CYB561: variants seen among roughly 807,000 people sequenced by gnomAD.
The protein encoded by CYB561 is cytochrome b561, also known as transmembrane ascorbate-dependent reductase CYB561.
Under a neutral mutation model 25.3 loss-of-function variants are expected in CYB561, and 11 were observed. The observed-to-expected ratio is 0.44, with a 90% CI of 0.27 to 0.72. The LOEUF is 0.72. Ranked by LOEUF, CYB561 falls within the 30% of genes least tolerant of loss-of-function variation. The probability of loss-of-function intolerance (pLI) is 0.18; values close to 1 mark genes in which losing one functional copy is unlikely to be tolerated. For synonymous variants in CYB561, 165 were observed against 158.8 expected (o/e 1.04, Z -0.29); for missense variants, 295 against 334.9 (o/e 0.88, Z 0.93).
intron 1 of CYB561, among the ~76,000 whole-genome samples, chr17:63,445,280 C>T (rs943524229): frequency 6.6e-6 from 1 of 152,126 alleles, no homozygotes; most frequent in South Asian, 2.1e-4. Flanking sequence ...CTCTAGGAGG[C>T]TCCCTCATGC....
At chr17:63,443,965 T>C (rs1420291126) in intron 1 of CYB561, among the ~76,000 whole-genome samples, 1 of 152,238 alleles carries the variant, frequency 6.6e-6, no homozygotes, top group Non-Finnish European at 1.5e-5. Context: ...CAGTCTGGAC[T>C]ATACTTGTAT....
At chr17:63,437,588 G>C in intron 1 of CYB561, 28 bp from the exon 2 acceptor site, 2 of 1,569,786 alleles carry the variant, frequency 1.3e-6, no homozygotes, top group South Asian at 2.3e-5. Context: ...GCTCAGAGGA[G>C]CAGCGCACAG....
chr17:63,445,067 T>G (rs1024655873), intron 1 of CYB561, among the ~76,000 whole-genome samples: 1 of 152,002 alleles, frequency 6.6e-6, no homozygotes, highest in Non-Finnish European at 1.5e-5. Context: ...TCCCAGCTAC[T>G]AGGGAGGCTG....
At chr17:63,435,865 C>T (rs912989411) in intron 3 of CYB561, 74 bp from the exon 4 acceptor site, 5 of 1,584,494 alleles carry the variant, frequency 3.2e-6, no homozygotes, top group Non-Finnish European at 4.3e-6. Context: ...CCAGGGGAAC[C>T]AGCTAGCGGG....
chr17:63,434,232 A>G lies in CYB561; in HGVS notation c.*170T>C, dbSNP rs372929115. On this transcript the variant is annotated 3_prime_UTR_variant, in exon 6 of 6. Transcript: ENST00000360793. ...GGTCTATAGCAGCGGAGAAAGGAGAAGCAGAGGAGGCGGAGACCTGACCCC... is the reference window on the plus strand; with the variant it reads ...GGTCTATAGCAGCGGAGAAAGGAGAGGCAGAGGAGGCGGAGACCTGACCCC... The G allele has an allele frequency of 8.2e-6, 5 of 609,456 alleles. No homozygotes were observed. The highest frequency in any genetic ancestry group is 3.0e-5 in the Admixed American group (1 of 33,876). 37.8% of individuals were successfully genotyped at this position (609,456 alleles called of 1,614,324 possible).
At position 63,432,366 on chromosome 17, in the gene CYB561, T is replaced by C. The variant is rs1478863989; in HGVS notation, c.*2036A>G. ...ACAGCACATTGTATTTCACAGAAGA[T>C]TGGCCACAGGCAAAATAAAATAACC... is the stretch of plus-strand genomic sequence containing the variant. On this transcript the variant is annotated 3_prime_UTR_variant, in exon 6 of 6. Transcript: ENST00000360793. 1 of 152,202 alleles carries C rather than the reference T, an allele frequency of 6.6e-6. No homozygotes were observed. The highest frequency in any genetic ancestry group is 1.5e-5 in the Non-Finnish European group (1 of 68,034). 9.4% of individuals were successfully genotyped at this position (152,202 alleles called of 1,614,324 possible). A position where few individuals can be genotyped will look rare whatever the true frequency, so the allele number is the denominator to read the frequency against.
At chr17:63,442,445 C>T (rs1165760004) in intron 1 of CYB561, among the ~76,000 whole-genome samples, 1 of 152,142 alleles carries the variant, frequency 6.6e-6, no homozygotes, top group East Asian at 1.9e-4. Flanking sequence ...AATCGTGGCC[C>T]TCATTTCCCA....
Position 63,437,002 on chromosome 17 carries a change from A to G in CYB561, c.202+344T>C, listed in dbSNP as rs1020082153. ...CGCACGCACGCATACAAACTCTCAC[A>G]TATGATTACTTTTTTTCCCTCAATT... On this transcript the variant is annotated intron_variant, in intron 2 of 5. Transcript: ENST00000360793. 3.4e-5 allele frequency: 12 copies of G among 350,426 alleles called. No homozygotes were observed. The Admixed American group carries it at 3.6e-4, about 11-fold the overall frequency. The allele number at this position is 350,426 out of a possible 1,614,324, so 21.7% of individuals were successfully genotyped here.
At chr17:63,437,222 T>C (rs2049312508) in intron 2 of CYB561, 124 bp downstream of exon 2, 3 of 782,592 alleles carry the variant, frequency 3.8e-6, no homozygotes, top group East Asian at 2.6e-5. Context: ...CTTCTGTCTC[T>C]GTCTTTTCTA....
At chr17:63,446,120 G>A (rs2049421227) in intron 1 of CYB561, 125 bp downstream of exon 1, 1 of 152,216 alleles carries the variant, frequency 6.6e-6, no homozygotes, top group African/African-American at 2.4e-5. Context: ...GCAAGGGGCA[G>A]GTGCGAGGCC....
At position 63,433,194 on chromosome 17, in the gene CYB561, G is replaced by A; in HGVS notation, c.*1208C>T. 2.6e-6 allele frequency: 1 copy of A among 382,886 alleles called. No homozygotes were observed. Among genetic ancestry groups the A allele is most frequent in the Non-Finnish European group, 4.6e-6 (1 of 216,588 alleles). The allele number at this position is 382,886 out of a possible 1,614,324, so 23.7% of individuals were successfully genotyped here. A position where few individuals can be genotyped will look rare whatever the true frequency, so the allele number is the denominator to read the frequency against. ...ACTACAGGCGCCCACCACCACGCCT[G>A]GCTAATTTTTTTGTATTTTTAGTAG... On this transcript the variant is annotated 3_prime_UTR_variant, in exon 6 of 6. Transcript: ENST00000360793.
chr17:63,437,018 T>TC (rs2049309911), intron 2 of CYB561: 3 of 389,398 alleles, frequency 7.7e-6, no homozygotes, highest in Non-Finnish European at 1.4e-5. Flanking sequence ...TTACTTTTTT[T>TC]CCCTCAATTC....
At chr17:63,438,945 C>A (rs1445149641) in intron 1 of CYB561, among the ~76,000 whole-genome samples, 1 of 152,222 alleles carries the variant, frequency 6.6e-6, no homozygotes, top group East Asian at 1.9e-4. Context: ...GCCACTGCAA[C>A]TGCCACCACC....
intron 2 of CYB561, 42 bp downstream of exon 2, chr17:63,437,304 C>G (rs766995035): frequency 6.5e-7 from 1 of 1,534,184 alleles, no homozygotes; most frequent in Non-Finnish European, 9.0e-7. Context: ...TCTCAGGGAC[C>G]CCCACAAGCC....
rs769987566 is a variant in CYB561 at position 63,436,073 on chromosome 17, C to T, written c.282G>A (p.Ala94=). Residue 94 remains alanine, a synonymous_variant, in exon 3 of 6, where the codon GCG becomes GCA. Transcript: ENST00000360793. This position sits in a 1 kb window ranked among gnomAD's most constrained non-coding sequence, Gnocchi z 4.8. ...KVLHGLLHIF[A]LVIALVGLVA... ...ACTCACCAACCAGGGCGATGACGAGCGCAAAGATGTGCAGCAGCCCGTGCA... is the reference window on the plus strand; with the variant it reads ...ACTCACCAACCAGGGCGATGACGAGTGCAAAGATGTGCAGCAGCCCGTGCA... 8.7e-6 allele frequency: 14 copies of T among 1,614,182 alleles called. No individual in the cohort carries two copies. Among genetic ancestry groups the T allele is most frequent in the South Asian group, 2.2e-5 (2 of 91,080 alleles).
rs372231804 is a variant in CYB561, at chr17:63,436,070, G to A, written c.285C>T (p.Leu95=). The A allele has an allele frequency of 1.7e-5, 27 of 1,614,186 alleles. No homozygotes were observed. Among genetic ancestry groups the A allele is most frequent in the South Asian group, 1.4e-4 (13 of 91,070 alleles). ...VLHGLLHIFA[L]VIALVGLVAV... ...GGAACTCACCAACCAGGGCGATGAC[G>A]AGCGCAAAGATGTGCAGCAGCCCGT... Residue 95 remains leucine, a synonymous_variant, in exon 3 of 6, where the codon CTC becomes CTT. Coordinates refer to ENST00000360793, the MANE Select transcript of CYB561 (RefSeq NM_001915.4). The surrounding 1 kb of genome is among the most constrained non-coding windows in gnomAD (Gnocchi z 4.8).
At chr17:63,443,566 G>GA (rs1276078342) in intron 1 of CYB561, among the ~76,000 whole-genome samples, 2 of 152,000 alleles carry the variant, frequency 1.3e-5, no homozygotes, top group African/African-American at 4.8e-5. Flanking sequence ...AAAATCAGAA[G>GA]AAAAAAATGA....
In CYB561 at chr17:63,433,708, C is replaced by T. The variant is rs927638615; in HGVS notation, c.*694G>A. On this transcript the variant is annotated 3_prime_UTR_variant, in exon 6 of 6. Transcript: ENST00000360793. The stretch of plus-strand genomic sequence containing the variant: ...GTCTGGAGCAGCCTGGGAGGAGGCC[C>T]GCCTGCATCTGCCAAGAGAAAGTCT... 47 of 293,096 alleles carry T rather than the reference C, an allele frequency of 1.6e-4. No homozygotes were observed. The highest frequency in any genetic ancestry group is 3.3e-4 in the South Asian group (2 of 6,104). 18.2% of individuals were successfully genotyped at this position (293,096 alleles called of 1,614,324 possible).
Position 63,437,569 on chromosome 17 carries a change from AAGAGC to A in CYB561, c.-13-14_-13-10del. On this transcript the variant is annotated splice_polypyrimidine_tract_variant and intron_variant, in intron 1 of 5. Transcript: ENST00000360793. ...CCATGCTGAGGCAAACGCTGCAAGAAAGAGCAGAGCTCAGAGGAGCAGCGCACAGC... is the reference window on the plus strand; with the variant it reads ...CCATGCTGAGGCAAACGCTGCAAGAAAGAGCTCAGAGGAGCAGCGCACAGC... 6.3e-7 allele frequency: 1 copy of A among 1,598,358 alleles called. No individual in the cohort carries two copies. The highest frequency in any genetic ancestry group is 1.1e-5 in the South Asian group (1 of 90,636).
Sources: gnomAD v4.1 joint callset for allele counts (sites outside exome capture counted in the v4.1 genomes callset) on GRCh38, gnomAD v4.1.1 for gene constraint, Gnocchi (gnomAD v3.1) non-coding constraint, MANE v1.5 for transcripts, NCBI Gene and HGNC (gene_info 2026-07-23, HGNC 2026-07-21) for gene names.